The following NELL1 variants were observed in gnomAD, a reference collection of about 807,000 sequenced individuals.
The protein encoded by NELL1 is neural EGFL like 1, also known as protein kinase C-binding protein NELL1.
NELL1 carries 76 observed loss-of-function variants against 107.4 expected under a neutral mutation model. The observed-to-expected ratio is 0.71, with a 90% CI of 0.59 to 0.86. The LOEUF is 0.86. Ranked by LOEUF, NELL1 falls within the 40% of genes least tolerant of loss-of-function variation. The probability of loss-of-function intolerance (pLI) is 0.00; values close to 1 mark genes in which losing one functional copy is unlikely to be tolerated. For synonymous variants in NELL1, 353 were observed against 341.2 expected, an observed-to-expected ratio of 1.03 and a Z score of -0.38; for missense variants, 1,024 against 1,005.5, an observed-to-expected ratio of 1.02 and a Z score of -0.25.
chr11:21,393,513 C>G (rs770766882), intron 15 of NELL1, among the ~76,000 whole-genome samples: 2 of 151,672 alleles, frequency 1.3e-5, no homozygotes, highest in Non-Finnish European at 3.0e-5. Flanking sequence ...GCAAAGCTTT[C>G]TGACTATAGA....
At chr11:20,932,338 T>C (rs1270771381) in intron 9 of NELL1, among the ~76,000 whole-genome samples, 2 of 152,116 alleles carry the variant, frequency 1.3e-5, no homozygotes, top group Non-Finnish European at 2.9e-5. Flanking sequence ...ATATTTCTTC[T>C]ATGCAAAACA....
chr11:21,254,107 T>C (rs187303196), intron 14 of NELL1, among the ~76,000 whole-genome samples: 17 of 152,244 alleles, frequency 1.1e-4, no homozygotes, highest in Admixed American at 8.5e-4. Context: ...AGCATGTATA[T>C]GGAGCTTACT....
intron 14 of NELL1, 56 bp from the exon 15 acceptor site, chr11:21,370,797 C>G: frequency 7.3e-7 from 1 of 1,375,494 alleles, no homozygotes; most frequent in Non-Finnish European, 1.0e-6. Context: ...TGCTGTTTAC[C>G]GTGAATTTAT....
chr11:21,108,266 G>T (rs537735355), intron 12 of NELL1, among the ~76,000 whole-genome samples: 1 of 152,186 alleles, frequency 6.6e-6, no homozygotes, highest in South Asian at 2.1e-4. Context: ...CCCAGGCCCT[G>T]CCTTCTAATT....
At chr11:21,026,158 A>G (rs1852809178) in intron 12 of NELL1, among the ~76,000 whole-genome samples, 1 of 152,130 alleles carries the variant, frequency 6.6e-6, no homozygotes, top group Non-Finnish European at 1.5e-5. Context: ...GTCCTGTTAA[A>G]TTGTAAATCA....
At chr11:20,920,177 C>G (rs1443533812) in intron 7 of NELL1, among the ~76,000 whole-genome samples, 2 of 151,936 alleles carry the variant, frequency 1.3e-5, no homozygotes, top group East Asian at 3.9e-4. Flanking sequence ...GAGTTCCAGC[C>G]TAGGGCGAAG....
intron 14 of NELL1, among the ~76,000 whole-genome samples, chr11:21,255,507 A>G (rs1858745819): frequency 6.6e-6 from 1 of 152,044 alleles, no homozygotes; most frequent in Admixed American, 6.6e-5. Flanking sequence ...GCAAGATTGC[A>G]TTCAGGCAAA....
Position 21,562,996 on chromosome 11 carries a change from G to C in NELL1, c.1980+2614G>C, listed in dbSNP as rs116413412. On this transcript the variant is annotated intron_variant, in intron 17 of 19. Coordinates refer to ENST00000357134, the MANE Select transcript of NELL1 (RefSeq NM_006157.5). ...ATAAATGGATTTGGGCTTTTGTTTAGATTCTATGTACTTCCTTGGCAGTGA... is the reference window on the plus strand; with the variant it reads ...ATAAATGGATTTGGGCTTTTGTTTACATTCTATGTACTTCCTTGGCAGTGA... Among the ~76,000 whole-genome samples, 943 of 152,122 alleles carry C rather than the reference G, an allele frequency of 6.2e-3. 13 individuals are homozygous for C. Among genetic ancestry groups the C allele is most frequent in the African/African-American group, 0.022 (901 of 41,534 alleles).
intron 12 of NELL1, among the ~76,000 whole-genome samples, chr11:21,044,496 T>G (rs963942624): frequency 6.6e-6 from 1 of 152,140 alleles, no homozygotes; most frequent in South Asian, 2.1e-4. Flanking sequence ...AATGGAAATT[T>G]GTTTTGCTGT....
At chr11:21,566,896 C>A (rs4922560) in intron 17 of NELL1, among the ~76,000 whole-genome samples, 7 of 151,572 alleles carry the variant, frequency 4.6e-5, no homozygotes, top group African/African-American at 7.3e-5. Flanking sequence ...TTCTGAAACA[C>A]GTTAGAAGCT....
chr11:21,124,502 A>G (rs1250608531), intron 13 of NELL1, among the ~76,000 whole-genome samples: 1 of 152,152 alleles, frequency 6.6e-6, no homozygotes, highest in Admixed American at 6.5e-5. Flanking sequence ...GGTAGCTTAT[A>G]AACAATAGGA....
chr11:21,058,640 T>C (rs553527514), intron 12 of NELL1, among the ~76,000 whole-genome samples: 2 of 152,260 alleles, frequency 1.3e-5, no homozygotes, highest in East Asian at 3.9e-4. Context: ...ATCTTCTAGA[T>C]CTAACATGAA....
chr11:20,976,051 T>C (rs1401873465), intron 12 of NELL1, among the ~76,000 whole-genome samples: 2 of 146,112 alleles, frequency 1.4e-5, no homozygotes, highest in African/African-American at 5.0e-5. Flanking sequence ...TACATTTATA[T>C]ATACATATAT....
At chr11:21,460,159 A>G (rs1298297522) in intron 15 of NELL1, among the ~76,000 whole-genome samples, 1 of 152,088 alleles carries the variant, frequency 6.6e-6, no homozygotes, top group Non-Finnish European at 1.5e-5. Context: ...ATTTGTAAAG[A>G]AGACCAGAAA....
At chr11:21,560,845 T>A (rs552455365) in intron 17 of NELL1, among the ~76,000 whole-genome samples, 1 of 152,228 alleles carries the variant, frequency 6.6e-6, no homozygotes, top group Admixed American at 6.5e-5. Flanking sequence ...GACAGGTGGA[T>A]TTTCATTTTG....
chr11:21,185,468 T>C (rs1856915772), intron 13 of NELL1, among the ~76,000 whole-genome samples: 1 of 151,690 alleles, frequency 6.6e-6, no homozygotes, highest in Middle Eastern at 3.4e-3. Flanking sequence ...CTAATTTTTG[T>C]ATATTTAGTA....
chr11:20,886,644 T>G (rs1035247743), intron 5 of NELL1, among the ~76,000 whole-genome samples: 6 of 151,754 alleles, frequency 4.0e-5, no homozygotes, highest in African/African-American at 1.2e-4. Flanking sequence ...CAGGTGGGAG[T>G]TGAACAATGA....
At chr11:21,138,886 G>T (rs1855802138) in intron 13 of NELL1, among the ~76,000 whole-genome samples, 1 of 152,040 alleles carries the variant, frequency 6.6e-6, no homozygotes, top group African/African-American at 2.4e-5. Context: ...CAAAGCTCTG[G>T]ATTACAATGG....
intron 12 of NELL1, among the ~76,000 whole-genome samples, chr11:21,078,338 C>T (rs1157542910): frequency 6.6e-6 from 1 of 151,944 alleles, no homozygotes; most frequent in African/African-American, 2.4e-5. Flanking sequence ...CACATACCAG[C>T]AGGTAATTTA....
Sources: allele counts gnomAD v4.1 joint callset (sites outside exome capture counted in the v4.1 genomes callset), GRCh38; gene constraint gnomAD v4.1.1; transcripts MANE v1.5; gene names NCBI Gene and HGNC (gene_info 2026-07-23, HGNC 2026-07-21).